The following SCUBE2 variants were observed in gnomAD, a reference collection of about 807,000 sequenced individuals.
The protein encoded by SCUBE2 is signal peptide, CUB and EGF-like domain-containing protein 2.
Under a neutral mutation model 125.9 loss-of-function variants are expected in SCUBE2, and 114 were observed. The observed-to-expected ratio is 0.91, with a 90% confidence interval of 0.78 to 1.06. The LOEUF is 1.06. Among genes scored for constraint, SCUBE2 ranks in the 50% least tolerant of loss-of-function variants. The pLI is 0.00. For missense variants in SCUBE2, 1,255 were observed against 1,301.8 expected, an observed-to-expected ratio of 0.96 and a Z score of 0.55; for synonymous variants, 459 against 492.9, an observed-to-expected ratio of 0.93 and a Z score of 0.91.
chr11:9,030,476 G>A (rs1856209623), intron 18 of SCUBE2: 1 of 452,420 alleles, frequency 2.2e-6, no homozygotes, highest in East Asian at 4.2e-5. Context: ...GATGGAGGAG[G>A]GCTAGAGGAA....
chr11:9,024,336 G>A, intron 21 of SCUBE2: 1 of 1,272,578 alleles, frequency 7.9e-7, no homozygotes, highest in Non-Finnish European at 1.0e-6. Context: ...GCAGAGCCAT[G>A]TGGGAGGCAT....
intron 8 of SCUBE2, 47 bp downstream of exon 8, chr11:9,060,361 T>A: frequency 7.0e-7 from 1 of 1,433,954 alleles, no homozygotes; most frequent in Non-Finnish European, 9.8e-7. Flanking sequence ...GCATGGGCCC[T>A]CCCTCCATAA....
chr11:9,042,817 T>C (rs1034772376), intron 16 of SCUBE2, among the ~76,000 whole-genome samples: 1 of 152,206 alleles, frequency 6.6e-6, no homozygotes, highest in African/African-American at 2.4e-5. Context: ...CCCCAATCCA[T>C]GTCATCCCCA....
intron 2 of SCUBE2, among the ~76,000 whole-genome samples, chr11:9,084,228 GCAAA>G (rs1448131604): frequency 1.3e-5 from 2 of 152,136 alleles, no homozygotes; most frequent in African/African-American, 4.8e-5. Context: ...AATGGCTAAA[GCAAA>G]CAATTTGAGC....
chr11:9,044,771 C>G (rs943749355), intron 16 of SCUBE2, among the ~76,000 whole-genome samples: 2 of 152,124 alleles, frequency 1.3e-5, no homozygotes, highest in East Asian at 1.9e-4. Context: ...GCCTTCCTTC[C>G]AGTACCTTGG....
chr11:9,075,421 G>C (rs1201347156), intron 3 of SCUBE2, among the ~76,000 whole-genome samples: 1 of 152,172 alleles, frequency 6.6e-6, no homozygotes, highest in Admixed American at 6.5e-5. Flanking sequence ...GATTATAGGT[G>C]GAAGAGAGCG....
chr11:9,076,898 T>C (rs1212586471), intron 3 of SCUBE2, among the ~76,000 whole-genome samples: 1 of 152,118 alleles, frequency 6.6e-6, no homozygotes, highest in Non-Finnish European at 1.5e-5. Context: ...GGAACACACC[T>C]GGCCTAGGTG....
chr11:9,063,803 C>T (rs982750674), intron 7 of SCUBE2, among the ~76,000 whole-genome samples: 33 of 152,250 alleles, frequency 2.2e-4, no homozygotes, highest in Non-Finnish European at 2.6e-4. Context: ...TGGAAGCCTC[C>T]GAGGAAACTT....
At chr11:9,048,372 G>A (rs2135409015) in intron 14 of SCUBE2, among the ~76,000 whole-genome samples, 1 of 152,312 alleles carries the variant, frequency 6.6e-6, no homozygotes, top group East Asian at 1.9e-4. Context: ...AGCCACATAT[G>A]TGGAAGACAA....
At chr11:9,066,256 C>T (rs112885760) in intron 6 of SCUBE2, among the ~76,000 whole-genome samples, 8 of 152,070 alleles carry the variant, frequency 5.3e-5, no homozygotes, top group Non-Finnish European at 1.2e-4. Context: ...TCCCCTGAGT[C>T]GAGGAGAAAA....
At chr11:9,050,528 T>C in intron 14 of SCUBE2, 78 bp downstream of exon 14, 2 of 1,118,830 alleles carry the variant, frequency 1.8e-6, no homozygotes, top group East Asian at 2.4e-5. Flanking sequence ...CTGGCCCCCA[T>C]GGACCTCCAG....
chr11:9,027,699 T>C (rs1309489833), intron 19 of SCUBE2, 138 bp from the exon 20 acceptor site: 2 of 722,608 alleles, frequency 2.8e-6, no homozygotes, highest in Non-Finnish European at 4.5e-6. Flanking sequence ...GGAATGAGTC[T>C]GTCCTTCCCA....
Position 9,020,989 on chromosome 11 carries a change from C to T in SCUBE2, c.*56G>A, listed in dbSNP as rs901293283. The T allele has an allele frequency of 5.8e-6, 9 of 1,538,626 alleles. No homozygotes were observed. The African/African-American group carries it at 9.6e-5, about 16-fold the overall frequency. Reference sequence around the variant, plus strand: ...GTGCTGACATGCAGAAGGAAGACAGCTCTGTCCCACCAACCCTATAGCAGA... The same window carrying T: ...GTGCTGACATGCAGAAGGAAGACAGTTCTGTCCCACCAACCCTATAGCAGA... On this transcript the variant is annotated 3_prime_UTR_variant, in exon 23 of 23. Coordinates refer to ENST00000649792, the MANE Select transcript of SCUBE2 (RefSeq NM_001367977.2).
intron 7 of SCUBE2, among the ~76,000 whole-genome samples, chr11:9,064,308 A>T (rs889550995): frequency 6.6e-6 from 1 of 152,074 alleles, no homozygotes; most frequent in Non-Finnish European, 1.5e-5. Context: ...CTCTACAAAA[A>T]ATACAAATAT....
intron 2 of SCUBE2, among the ~76,000 whole-genome samples, chr11:9,086,483 T>A (rs1369513242): frequency 2.0e-5 from 3 of 152,206 alleles, no homozygotes; most frequent in Non-Finnish European, 4.4e-5. Context: ...ATCCTTGCAA[T>A]CCTCATTTCC....
chr11:9,037,046 A>T (rs894744970), intron 16 of SCUBE2, among the ~76,000 whole-genome samples: 5 of 152,218 alleles, frequency 3.3e-5, no homozygotes, highest in Non-Finnish European at 7.3e-5. Flanking sequence ...AATATATTTG[A>T]TTCTTTCACA....
intron 18 of SCUBE2, 135 bp downstream of exon 18, chr11:9,030,623 G>A (rs10769983): frequency 0.29 from 248,559 of 849,522 alleles, 41,545 homozygotes; most frequent in Non-Finnish European, 0.35. Flanking sequence ...CTGCTGGGGC[G>A]AGTGGAGCTG....
rs924117109 is a variant in SCUBE2, at chr11:9,047,437, C to A, written c.1921G>T (p.Val641Leu). The change falls in exon 16 of 23, where the codon GTG becomes TTG. Residue 641 changes from valine to leucine, a missense_variant. By Grantham distance (32) the Val-to-Leu change is conservative. Coordinates refer to ENST00000649792, the MANE Select transcript of SCUBE2 (RefSeq NM_001367977.2). Reference protein sequence around the residue: ...HLQLSGMNLDVAKKPPRTSER... With the variant: ...HLQLSGMNLDLAKKPPRTSER... ...GATGTTCTGGGAGGCTTTTTAGCCA[C>A]GTCGAGGTTCATGCCTGAGAGCTGG... 1 of 1,614,004 alleles carries A rather than the reference C, an allele frequency of 6.2e-7. No homozygotes were observed. Among genetic ancestry groups the A allele is most frequent in the African/African-American group, 1.3e-5 (1 of 74,896 alleles).
In SCUBE2 at chr11:9,089,844, A is replaced by G. The variant is rs1214081817; in HGVS notation, c.134-15T>C. 2.5e-6 allele frequency: 4 copies of G among 1,612,466 alleles called. No individual in the cohort carries two copies. Among genetic ancestry groups the G allele is most frequent in the Middle Eastern group, 1.7e-4 (1 of 6,032 alleles). ...CTCATCTACATCTGCAAAAGAGCACAGCTGACACCTGGTACAGGCTCCCAG... is the reference window on the plus strand; with the variant it reads ...CTCATCTACATCTGCAAAAGAGCACGGCTGACACCTGGTACAGGCTCCCAG... On this transcript the variant is annotated splice_polypyrimidine_tract_variant and intron_variant, in intron 1 of 22. Coordinates refer to ENST00000649792, the MANE Select transcript of SCUBE2 (RefSeq NM_001367977.2).
Sources: gnomAD v4.1 joint callset for allele counts (sites outside exome capture counted in the v4.1 genomes callset) on GRCh38, gnomAD v4.1.1 for gene constraint, MANE v1.5 for transcripts, NCBI Gene and HGNC (gene_info 2026-07-23, HGNC 2026-07-21) for gene names.